Variants in TRABD2A observed in about 807,000 individuals in gnomAD.
TRABD2A encodes metalloprotease TIKI1.
Under a neutral mutation model 45.6 loss-of-function variants are expected in TRABD2A, and 43 were observed. The ratio of observed to expected loss-of-function variants is 0.94; its 90% confidence interval spans 0.74 to 1.22. TRABD2A has a LOEUF of 1.22. Among genes scored for constraint, TRABD2A ranks in the 50% most tolerant of loss-of-function variants. The probability of loss-of-function intolerance (pLI) is 0.00; values close to 1 mark genes in which losing one functional copy is unlikely to be tolerated. For missense variants in TRABD2A, 642 were observed against 652.4 expected (o/e 0.98, Z 0.17); for synonymous variants, 269 against 265.0 (o/e 1.02, Z -0.15).
chr2:84,837,809 G>A (rs1178680008), intron 4 of TRABD2A: 1 of 159,766 alleles, frequency 6.3e-6, no homozygotes, highest in Non-Finnish European at 1.4e-5. Flanking sequence ...GAGAGATTAG[G>A]ACCTTCTCAG....
intron 3 of TRABD2A, among the ~76,000 whole-genome samples, chr2:84,840,543 C>G (rs1681675475): frequency 6.6e-6 from 1 of 152,234 alleles, no homozygotes; most frequent in Non-Finnish European, 1.5e-5. Flanking sequence ...GTGGGCAGAA[C>G]AGATATGGGA....
intron 2 of TRABD2A, among the ~76,000 whole-genome samples, chr2:84,850,452 T>A (rs1431613316): frequency 6.6e-6 from 1 of 151,922 alleles, no homozygotes; most frequent in African/African-American, 2.4e-5. Flanking sequence ...GAGTAGCTCT[T>A]GGGTTGGAGA....
At chr2:84,839,651 T>G in intron 3 of TRABD2A, among the ~76,000 whole-genome samples, 1 of 152,236 alleles carries the variant, frequency 6.6e-6, no homozygotes, top group Non-Finnish European at 1.5e-5. Flanking sequence ...ATCCATAGTT[T>G]TAACTTGTGT....
chr2:84,830,770 G>T lies in TRABD2A; in HGVS notation c.1082+1285C>A, dbSNP rs1055186958. Among the ~76,000 whole-genome samples, 15 of 152,180 alleles carry T rather than the reference G, an allele frequency of 9.9e-5. No homozygotes were observed. Among genetic ancestry groups the T allele is most frequent in the African/African-American group, 3.6e-4 (15 of 41,452 alleles). ...ATGTATCCAGGATTTCCCGCCTGAA[G>T]GGAGACTGGCAGGAGCCTCTGGGGT... On this transcript the variant is annotated intron_variant, in intron 5 of 6. Transcript: ENST00000409520. This position sits in a 1 kb window ranked among gnomAD's most constrained non-coding sequence, Gnocchi z 4.9.
chr2:84,873,702 G>A (rs926742918), intron 1 of TRABD2A, among the ~76,000 whole-genome samples: 1 of 152,206 alleles, frequency 6.6e-6, no homozygotes, highest in Admixed American at 6.5e-5. Context: ...GAGATTGACA[G>A]TTATGTCTTT....
intron 5 of TRABD2A, among the ~76,000 whole-genome samples, chr2:84,825,492 A>G (rs1458628075): frequency 6.6e-6 from 1 of 152,260 alleles, no homozygotes; most frequent in Non-Finnish European, 1.5e-5. Context: ...ACATAAATTC[A>G]TAGCTAGAAG....
At chr2:84,850,383 G>A (rs1487635847) in intron 2 of TRABD2A, among the ~76,000 whole-genome samples, 2 of 151,960 alleles carry the variant, frequency 1.3e-5, no homozygotes, top group Non-Finnish European at 2.9e-5. Flanking sequence ...GAGTCCGCCT[G>A]TCCTCTAGGA....
intron 1 of TRABD2A, among the ~76,000 whole-genome samples, chr2:84,878,528 C>CAAA (rs34899036): frequency 2.5e-5 from 3 of 121,554 alleles, no homozygotes; most frequent in African/African-American, 2.9e-5. Context: ...GACTCTGTCT[C>CAAA]AAAAAAAAAA....
intron 3 of TRABD2A, 38 bp downstream of exon 3, chr2:84,841,823 A>T (rs1255244646): frequency 7.5e-6 from 11 of 1,465,910 alleles, no homozygotes; most frequent in Middle Eastern, 2.5e-4. Context: ...CCTATAATTA[A>T]ATGTGTGCTG....
At chr2:84,873,331 G>A (rs975023810) in intron 1 of TRABD2A, among the ~76,000 whole-genome samples, 1 of 151,398 alleles carries the variant, frequency 6.6e-6, no homozygotes, top group Non-Finnish European at 1.5e-5. Context: ...TGAGGCAGGA[G>A]AATCGCTTGA....
intron 2 of TRABD2A, among the ~76,000 whole-genome samples, chr2:84,862,040 C>A (rs369209979): frequency 6.6e-6 from 1 of 152,202 alleles, no homozygotes; most frequent in Non-Finnish European, 1.5e-5. Context: ...CCCTAATGCC[C>A]GTGGCATGAC....
intron 2 of TRABD2A, among the ~76,000 whole-genome samples, chr2:84,869,212 C>T (rs917048047): frequency 1.3e-5 from 2 of 152,202 alleles, no homozygotes; most frequent in African/African-American, 4.8e-5. Flanking sequence ...TTTGGATTAA[C>T]AGTAATCTCA....
chr2:84,845,379 G>A (rs1350885286), intron 2 of TRABD2A, among the ~76,000 whole-genome samples: 2 of 152,062 alleles, frequency 1.3e-5, no homozygotes, highest in Non-Finnish European at 2.9e-5. Context: ...AATGACTACT[G>A]GAGAGTTTTG....
chr2:84,837,812 C>G (rs571724264), intron 4 of TRABD2A: 9 of 160,306 alleles, frequency 5.6e-5, no homozygotes, highest in Admixed American at 4.5e-4. Flanking sequence ...AGATTAGGAC[C>G]TTCTCAGGTC....
intron 2 of TRABD2A, among the ~76,000 whole-genome samples, chr2:84,864,808 T>C (rs764284061): frequency 1.3e-5 from 2 of 152,108 alleles, no homozygotes; most frequent in Non-Finnish European, 2.9e-5. Flanking sequence ...ATCCCCGGGA[T>C]CCTCTCCTTA....
chr2:84,824,386 CTT>C (rs1458547971), intron 5 of TRABD2A, among the ~76,000 whole-genome samples, 182 bp from the exon 6 acceptor site: 1 of 151,390 alleles, frequency 6.6e-6, no homozygotes, highest in Non-Finnish European at 1.5e-5. Flanking sequence ...TCTTTGACGC[CTT>C]TTTTTTCCCC....
intron 4 of TRABD2A, chr2:84,836,986 G>GTTTTGTTT (rs1681533202): frequency 1.2e-5 from 1 of 85,994 alleles, no homozygotes; most frequent in Admixed American, 1.4e-4. Context: ...TAATTTTAGG[G>GTTTTGTTT]TTTTTTTTTT....
intron 1 of TRABD2A, among the ~76,000 whole-genome samples, chr2:84,878,440 A>G (rs1212825143): frequency 6.6e-6 from 1 of 151,450 alleles, no homozygotes; most frequent in African/African-American, 2.4e-5. Context: ...CAGGAGAATC[A>G]CTTGAACCCT....
At chr2:84,863,524 G>A (rs1008569262) in intron 2 of TRABD2A, among the ~76,000 whole-genome samples, 11 of 150,416 alleles carry the variant, frequency 7.3e-5, no homozygotes, top group Non-Finnish European at 1.3e-4. Context: ...GAGCCACCGC[G>A]CCTGGCCCCA....
Sources: allele counts gnomAD v4.1 joint callset (sites outside exome capture counted in the v4.1 genomes callset), GRCh38; gene constraint gnomAD v4.1.1; non-coding constraint Gnocchi (gnomAD v3.1); transcripts MANE v1.5; gene names NCBI Gene and HGNC (gene_info 2026-07-23, HGNC 2026-07-21).